The following SORCS3 variants were observed in gnomAD, a reference collection of about 807,000 sequenced individuals.
The protein encoded by SORCS3 is sortilin related VPS10 domain containing receptor 3.
Under a neutral mutation model 146.3 loss-of-function variants are expected in SORCS3, and 57 were observed. The ratio of observed to expected loss-of-function variants is 0.39; its 90% CI spans 0.31 to 0.49. The LOEUF (loss-of-function observed/expected upper bound fraction) is 0.49. Among genes scored for constraint, SORCS3 ranks in the 20% least tolerant of loss-of-function variants. The pLI is 0.92. For missense variants in SORCS3, 1,341 were observed against 1,575.5 expected, an observed-to-expected ratio of 0.85 and a Z score of 2.52; for synonymous variants, 653 against 618.5, an observed-to-expected ratio of 1.06 and a Z score of -0.83.
intron 6 of SORCS3, among the ~76,000 whole-genome samples, chr10:105,095,580 C>G (rs1175072968): frequency 6.6e-6 from 1 of 152,096 alleles, no homozygotes; most frequent in Non-Finnish European, 1.5e-5. Context: ...TCTCCAAGCC[C>G]TGGTAGAGGG....
chr10:105,137,549 A>T (rs775904658), intron 7 of SORCS3, among the ~76,000 whole-genome samples: 1 of 152,168 alleles, frequency 6.6e-6, no homozygotes, highest in Non-Finnish European at 1.5e-5. Flanking sequence ...TCAGGAACAT[A>T]TCTACATCTG....
At chr10:104,950,912 A>G (rs2133625965) in intron 3 of SORCS3, among the ~76,000 whole-genome samples, 1 of 152,336 alleles carries the variant, frequency 6.6e-6, no homozygotes, top group South Asian at 2.1e-4. Flanking sequence ...GCCTCTAAAT[A>G]TAAATTATTT....
intron 3 of SORCS3, among the ~76,000 whole-genome samples, chr10:104,938,426 A>G (rs1183910837): frequency 6.6e-6 from 1 of 152,170 alleles, no homozygotes; most frequent in African/African-American, 2.4e-5. Flanking sequence ...TTCGTAATGT[A>G]CACCCAATAT....
chr10:104,990,826 C>T (rs535908291), intron 4 of SORCS3, among the ~76,000 whole-genome samples: 1 of 152,166 alleles, frequency 6.6e-6, no homozygotes, highest in Non-Finnish European at 1.5e-5. Flanking sequence ...TGGTTTTTCC[C>T]CTGGAGCCTC....
chr10:104,977,730 C>CTT (rs796233007), intron 4 of SORCS3, among the ~76,000 whole-genome samples: 1,334 of 122,808 alleles, frequency 0.011, 49 homozygotes, highest in African/African-American at 0.035. Flanking sequence ...CTTTTCTTTT[C>CTT]TTTTTTTTTT....
intron 5 of SORCS3, among the ~76,000 whole-genome samples, chr10:105,049,416 A>G (rs953390331): frequency 2.0e-5 from 3 of 151,980 alleles, no homozygotes; most frequent in African/African-American, 7.2e-5. Flanking sequence ...CCCAAGTATC[A>G]TAGCTTTTCT....
intron 1 of SORCS3, among the ~76,000 whole-genome samples, chr10:104,838,373 C>G (rs529577792): frequency 6.6e-6 from 1 of 152,232 alleles, no homozygotes; most frequent in African/African-American, 2.4e-5. Context: ...GAAATTCACT[C>G]CTCCCCAGTG....
intron 20 of SORCS3, among the ~76,000 whole-genome samples, chr10:105,231,472 T>C (rs997378145): frequency 2.0e-5 from 3 of 152,190 alleles, no homozygotes; most frequent in African/African-American, 7.2e-5. Flanking sequence ...TATGAACAAA[T>C]AGTTTTCTTT....
At chr10:104,983,743 T>C (rs1453827009) in intron 4 of SORCS3, among the ~76,000 whole-genome samples, 1 of 151,938 alleles carries the variant, frequency 6.6e-6, no homozygotes, top group Non-Finnish European at 1.5e-5. Context: ...TCAGGAATTC[T>C]TCTGCTTGTC....
At chr10:105,199,914 T>C (rs2056564399) in intron 14 of SORCS3, 85 bp from the exon 15 acceptor site, 1 of 964,628 alleles carries the variant, frequency 1.0e-6, no homozygotes, top group African/African-American at 1.6e-5. Context: ...AGTGAATCTC[T>C]ATCTCCTTCC....
chr10:105,204,654 G>C (rs2056591806), intron 16 of SORCS3, among the ~76,000 whole-genome samples: 1 of 151,242 alleles, frequency 6.6e-6, no homozygotes, highest in African/African-American at 2.4e-5. Context: ...TAGAGAAGTA[G>C]ACAAGGCCAG....
chr10:104,730,866 T>C (rs2016698572), intron 1 of SORCS3, among the ~76,000 whole-genome samples: 1 of 152,216 alleles, frequency 6.6e-6, no homozygotes, highest in African/African-American at 2.4e-5. Context: ...AACCCCATGA[T>C]TCCATTATCT....
At chr10:104,921,481 A>C (rs1473806475) in intron 3 of SORCS3, among the ~76,000 whole-genome samples, 3 of 147,952 alleles carry the variant, frequency 2.0e-5, no homozygotes, top group African/African-American at 7.8e-5. Context: ...AGTTAGAGGT[A>C]CATGTCTCTC....
intron 1 of SORCS3, among the ~76,000 whole-genome samples, chr10:104,698,221 A>G (rs998348489): frequency 6.6e-6 from 1 of 152,122 alleles, no homozygotes; most frequent in African/African-American, 2.4e-5. Flanking sequence ...CATTTTACAG[A>G]TGTGGAATCT....
intron 1 of SORCS3, among the ~76,000 whole-genome samples, chr10:104,728,917 T>G (rs1448445659): frequency 6.6e-6 from 1 of 152,200 alleles, no homozygotes. Flanking sequence ...CCATCTGCCT[T>G]AAGTCTCTTA....
intron 5 of SORCS3, among the ~76,000 whole-genome samples, chr10:105,082,647 T>C (rs1272697230): frequency 2.0e-5 from 3 of 152,222 alleles, no homozygotes; most frequent in Admixed American, 6.5e-5. Flanking sequence ...AAAAATCTAC[T>C]GGAAAACGTT....
chr10:105,103,604 T>C (rs1379696134), intron 6 of SORCS3, among the ~76,000 whole-genome samples: 1 of 152,106 alleles, frequency 6.6e-6, no homozygotes, highest in East Asian at 1.9e-4. Context: ...CTGGAAACAC[T>C]TCAGAGGCAG....
chr10:104,663,625 A>G (rs2015730197), intron 1 of SORCS3, among the ~76,000 whole-genome samples: 1 of 152,204 alleles, frequency 6.6e-6, no homozygotes, highest in Admixed American at 6.5e-5. Flanking sequence ...TTTCACTAGC[A>G]AAATACTGGC....
chr10:105,146,028 C>A (rs944494393), intron 8 of SORCS3, among the ~76,000 whole-genome samples: 1 of 152,014 alleles, frequency 6.6e-6, no homozygotes, highest in African/African-American at 2.4e-5. Flanking sequence ...CTAGACCCTG[C>A]CTGATTATTA....
Sources: allele counts gnomAD v4.1 joint callset (sites outside exome capture counted in the v4.1 genomes callset), GRCh38; gene constraint gnomAD v4.1.1; transcripts MANE v1.5; gene names NCBI Gene and HGNC (gene_info 2026-07-23, HGNC 2026-07-21).